PPP1R16A: variants seen among roughly 807,000 people sequenced by gnomAD.
PPP1R16A encodes myosin phosphatase-targeting subunit 3.
PPP1R16A carries 39 observed loss-of-function variants against 46.6 expected under a neutral mutation model. The ratio of observed to expected loss-of-function variants is 0.84; its 90% CI spans 0.65 to 1.09. The LOEUF is 1.09. Among genes scored for constraint, PPP1R16A ranks in the 50% least tolerant of loss-of-function variants. The pLI is 0.00. For missense variants in PPP1R16A, 798 were observed against 735.6 expected (o/e 1.08, Z -0.98); for synonymous variants, 413 against 321.5 (o/e 1.28, Z -3.04).
chr8:144,494,200 G>A (rs1825941902), intron 2 of PPP1R16A, among the ~76,000 whole-genome samples: 1 of 152,076 alleles, frequency 6.6e-6, no homozygotes, highest in Non-Finnish European at 1.5e-5. Context: ...TCGAACTCTT[G>A]GGCTCAAGCG....
rs547236150 is a variant in PPP1R16A at position 144,501,124 on chromosome 8, C to G, written c.1038-5C>G. Reference sequence around the variant, plus strand: ...CCCTCACTCCCTCTCCTCTCTCCTCCCCAGGAAGGTGGTGAGGCGGGTGAG... The same window carrying G: ...CCCTCACTCCCTCTCCTCTCTCCTCGCCAGGAAGGTGGTGAGGCGGGTGAG... On this transcript the variant is annotated splice_region_variant and splice_polypyrimidine_tract_variant and intron_variant, in intron 10 of 11. Coordinates refer to ENST00000435887, the MANE Select transcript of PPP1R16A (RefSeq NM_001329443.2). 6.2e-7 allele frequency: 1 copy of G among 1,610,546 alleles called. No individual in the cohort carries two copies. The highest frequency in any genetic ancestry group is 1.3e-5 in the African/African-American group (1 of 74,902).
intron 1 of PPP1R16A, among the ~76,000 whole-genome samples, chr8:144,483,911 C>G (rs897422241): frequency 3.3e-5 from 5 of 152,252 alleles, no homozygotes; most frequent in Admixed American, 2.6e-4. Context: ...GCTCATCTCT[C>G]TGCTCTGACA....
rs548206071 is a variant in PPP1R16A at position 144,501,604 on chromosome 8, C to G, written c.1288C>G (p.Arg430Gly). ...GCATCTATACTCCAAGCGACTAGAC[C>G]GGAGTGTCTCCTACCAGCTGAGCCC... ...VRHLYSKRLD[R>G]SVSYQLSPLD... The change falls in exon 12 of 12, where the codon CGG (arginine) becomes GGG (glycine). Residue 430 changes from arginine (R) to glycine (G), a missense_variant. Transcript: ENST00000435887. 1 of 1,608,424 alleles carries G rather than the reference C, an allele frequency of 6.2e-7. No individual in the cohort carries two copies. Among genetic ancestry groups the G allele is most frequent in the Non-Finnish European group, 8.5e-7 (1 of 1,178,042 alleles).
rs555267402 is a variant in PPP1R16A at position 144,501,406 on chromosome 8, G to A, written c.1203+112G>A. ...GTGTCAGGAATGGTGCCCTGCAGGG[G>A]CCAGCTTTTGCCCCATCTCTCCTGT... On this transcript the variant is annotated intron_variant, in intron 11 of 11. Coordinates refer to ENST00000435887, the MANE Select transcript of PPP1R16A (RefSeq NM_001329443.2). 1,175 of 1,478,604 alleles carry A rather than the reference G, an allele frequency of 7.9e-4. 4 individuals are homozygous for A. The African/African-American group carries it at 0.013, about 16-fold the overall frequency. 91.6% of individuals were successfully genotyped at this position (1,478,604 alleles called of 1,614,324 possible).
chr8:144,485,533 AAAAAC>A (rs1320147139), intron 1 of PPP1R16A, among the ~76,000 whole-genome samples: 1 of 151,578 alleles, frequency 6.6e-6, no homozygotes, highest in East Asian at 1.9e-4. Context: ...CGGGAAAAAA[AAAAAC>A]AATAGATAAA....
At position 144,498,845 on chromosome 8, in the gene PPP1R16A, G is replaced by A; in HGVS notation, c.330+5G>A. The A allele has an allele frequency of 6.2e-7, 1 of 1,611,278 alleles. No homozygotes were observed. Among genetic ancestry groups the A allele is most frequent in the Non-Finnish European group, 8.5e-7 (1 of 1,178,628 alleles). On this transcript the variant is annotated splice_donor_5th_base_variant and intron_variant, in intron 4 of 11. Transcript: ENST00000435887. ...GGCCTGACGGCCCTGCACCAGGTCA[G>A]CCTGCACTGGGTGTGGGCAGGGTGG...
At chr8:144,490,797 G>A (rs531989002) in intron 2 of PPP1R16A, among the ~76,000 whole-genome samples, 1 of 152,344 alleles carries the variant, frequency 6.6e-6, no homozygotes, top group Admixed American at 6.5e-5. Flanking sequence ...ATGCATGCCT[G>A]TGATCACAAC....
intron 1 of PPP1R16A, among the ~76,000 whole-genome samples, chr8:144,483,069 A>G (rs1211103670): frequency 6.6e-6 from 1 of 152,200 alleles, no homozygotes; most frequent in African/African-American, 2.4e-5. Flanking sequence ...GGTGTGAGCC[A>G]CCGCGCCCGG....
intron 3 of PPP1R16A, chr8:144,498,075 C>G (rs1439719109): frequency 2.2e-6 from 1 of 456,124 alleles, no homozygotes; most frequent in African/African-American, 2.0e-5. Flanking sequence ...AGACTCCTTC[C>G]TGCCTCCCTC....
chr8:144,499,296 C>T, intron 5 of PPP1R16A: 3 of 569,534 alleles, frequency 5.3e-6, no homozygotes, highest in Non-Finnish European at 9.1e-6. Flanking sequence ...GCCGAGAGGG[C>T]AGGCCTCGGG....
At chr8:144,484,318 G>C (rs1825557053) in intron 1 of PPP1R16A, among the ~76,000 whole-genome samples, 1 of 152,234 alleles carries the variant, frequency 6.6e-6, no homozygotes, top group African/African-American at 2.4e-5. Flanking sequence ...GTACTTGACA[G>C]ACCTTAGTTG....
intron 5 of PPP1R16A, chr8:144,499,515 C>T (rs560663545): frequency 2.1e-5 from 4 of 188,174 alleles, no homozygotes; most frequent in Admixed American, 5.5e-5. Context: ...CCCCTTTGCT[C>T]CAGGCATCTG....
chr8:144,485,884 C>T (rs1825611061), intron 1 of PPP1R16A, among the ~76,000 whole-genome samples: 1 of 152,234 alleles, frequency 6.6e-6, no homozygotes, highest in African/African-American at 2.4e-5. Flanking sequence ...GGTATGTTCT[C>T]CATCTGTATG....
chr8:144,483,885 T>A (rs1475659402), intron 1 of PPP1R16A, among the ~76,000 whole-genome samples: 1 of 152,212 alleles, frequency 6.6e-6, no homozygotes, highest in Admixed American at 6.5e-5. Context: ...TTCTTTTTCC[T>A]TGGCCACCTT....
intron 1 of PPP1R16A, among the ~76,000 whole-genome samples, chr8:144,489,400 G>T (rs1180619163): frequency 7.5e-6 from 1 of 132,746 alleles, no homozygotes; most frequent in East Asian, 2.6e-4. Flanking sequence ...GGACTGGGAG[G>T]GGGGTTTGTC....
At position 144,501,174 on chromosome 8, in the gene PPP1R16A, C is replaced by T. The variant is rs1290052042; in HGVS notation, c.1083C>T (p.Tyr361=). Reference sequence around the variant, plus strand: ...GCCTAACCCAGCGCACCGACCTGTACCGCAAGCAGCACGCCCAGGAGGCCA... The same window carrying T: ...GCCTAACCCAGCGCACCGACCTGTATCGCAAGCAGCACGCCCAGGAGGCCA... The part of the protein sequence containing the change: ...RVSLTQRTDL[Y]RKQHAQEAIV... Residue 361 remains tyrosine (Y), a synonymous_variant, in exon 11 of 12, where the codon TAC becomes TAT. Coordinates refer to ENST00000435887, the MANE Select transcript of PPP1R16A (RefSeq NM_001329443.2). The T allele has an allele frequency of 6.2e-7, 1 of 1,610,716 alleles. No individual in the cohort carries two copies. Among genetic ancestry groups the T allele is most frequent in the African/African-American group, 1.3e-5 (1 of 75,038 alleles).
intron 6 of PPP1R16A, 29 bp downstream of exon 6, chr8:144,500,228 G>C (rs751761064): frequency 3.2e-6 from 5 of 1,581,870 alleles, no homozygotes; most frequent in Non-Finnish European, 1.7e-6. Context: ...CTGTGGGAGG[G>C]CTGCCGGTCG....
In PPP1R16A at chr8:144,497,229, C is replaced by A. The variant is rs773545544; in HGVS notation, c.35C>A (p.Pro12His). 3.4e-5 allele frequency: 54 copies of A among 1,598,648 alleles called. No homozygotes were observed. Among genetic ancestry groups the A allele is most frequent in the Non-Finnish European group, 4.1e-5 (48 of 1,174,066 alleles). ...AEHLELLAEMPMVGRMSTQER... is the reference protein window; with the variant it reads ...AEHLELLAEMHMVGRMSTQER... The stretch of plus-strand genomic sequence containing the variant: ...CACCTGGAGCTGCTGGCAGAGATGC[C>A]CATGGTGGGCAGGATGAGCACACAG... Residue 12 changes from proline (P) to histidine (H), a missense_variant, in exon 3 of 12, where the codon CCC (proline) becomes CAC (histidine). Physicochemically the swap from Pro to His is moderately conservative, Grantham distance 77. Coordinates refer to ENST00000435887, the MANE Select transcript of PPP1R16A (RefSeq NM_001329443.2).
chr8:144,492,997 T>C (rs1004833545), intron 2 of PPP1R16A, among the ~76,000 whole-genome samples: 1 of 152,008 alleles, frequency 6.6e-6, no homozygotes, highest in African/African-American at 2.4e-5. Flanking sequence ...GGTCTCCCCA[T>C]GTGGAAGATG....
Sources: gnomAD v4.1 joint callset for allele counts (sites outside exome capture counted in the v4.1 genomes callset) on GRCh38, gnomAD v4.1.1 for gene constraint, MANE v1.5 for transcripts, NCBI Gene and HGNC (gene_info 2026-07-23, HGNC 2026-07-21) for gene names.